The following MPPED2 variants were observed in gnomAD, a reference collection of about 807,000 sequenced individuals.
The protein encoded by MPPED2 is metallophosphoesterase MPPED2.
Under a neutral mutation model 33.0 loss-of-function variants are expected in MPPED2, and 5 were observed. The observed-to-expected ratio is 0.15, with a 90% CI of 0.08 to 0.32. The LOEUF (loss-of-function observed/expected upper bound fraction) is 0.32. Ranked by LOEUF, MPPED2 falls within the 10% of genes least tolerant of loss-of-function variation. MPPED2 has a pLI of 1.00. For missense variants in MPPED2, 275 were observed against 372.1 expected, an observed-to-expected ratio of 0.74 and a Z score of 2.15; for synonymous variants, 136 against 141.9, an observed-to-expected ratio of 0.96 and a Z score of 0.29.
At chr11:30,504,843 A>G (rs908429023) in intron 3 of MPPED2, 1 of 1,253,158 alleles carries the variant, frequency 8.0e-7, no homozygotes. Flanking sequence ...TCTAAGAAAT[A>G]TTAAACACAG....
At chr11:30,433,074 G>A (rs1012489778) in intron 4 of MPPED2, among the ~76,000 whole-genome samples, 9 of 152,240 alleles carry the variant, frequency 5.9e-5, no homozygotes, top group Admixed American at 2.6e-4. Context: ...GGGACTATGA[G>A]TTGGAGAGAG....
rs191461525 is a variant in MPPED2, at chr11:30,542,411, C to T, written c.129-6236G>A. On this transcript the variant is annotated intron_variant, in intron 2 of 6. Transcript: ENST00000358117. Reference sequence around the variant, plus strand: ...GGTGGATTGCTTGAGCTCAGGAGTTCGAAATCAGCCTGGGCAACATGGCGA... The same window carrying T: ...GGTGGATTGCTTGAGCTCAGGAGTTTGAAATCAGCCTGGGCAACATGGCGA... Among the ~76,000 whole-genome samples, 95 of 129,784 alleles carry T rather than the reference C, an allele frequency of 7.3e-4. 1 individual carries two copies. The East Asian group carries it at 0.021, about 29-fold the overall frequency. 85.1% of individuals were successfully genotyped at this position (129,784 alleles called of 152,430 possible). A position where few individuals can be genotyped will look rare whatever the true frequency, so the allele number is the denominator to read the frequency against.
chr11:30,447,531 C>T (rs935966839), intron 4 of MPPED2, among the ~76,000 whole-genome samples: 3 of 151,990 alleles, frequency 2.0e-5, no homozygotes, highest in Admixed American at 1.3e-4. Context: ...TAATAGGAGC[C>T]GAGCAGTGTG....
intron 3 of MPPED2, 80 bp downstream of exon 3, chr11:30,535,914 T>A (rs1340540461): frequency 7.9e-7 from 1 of 1,266,628 alleles, no homozygotes; most frequent in Non-Finnish European, 1.1e-6. Flanking sequence ...TTCCAAGTGC[T>A]CTAATTCAAT....
intron 5 of MPPED2, 60 bp from the exon 6 acceptor site, chr11:30,414,401 G>T: frequency 9.3e-7 from 1 of 1,080,558 alleles, no homozygotes; most frequent in Non-Finnish European, 1.4e-6. Context: ...GTTTCATTTA[G>T]ACTTTCAGGA....
chr11:30,494,165 G>A (rs865879488), intron 4 of MPPED2, among the ~76,000 whole-genome samples: 4 of 152,220 alleles, frequency 2.6e-5, no homozygotes, highest in Admixed American at 6.5e-5. Flanking sequence ...TTTCTACAGA[G>A]ACGGTAATTC....
At chr11:30,402,279 T>C (rs532066053) in intron 6 of MPPED2, among the ~76,000 whole-genome samples, 2 of 152,306 alleles carry the variant, frequency 1.3e-5, no homozygotes, top group Admixed American at 6.5e-5. Flanking sequence ...TATCAATAAA[T>C]TGAATACTGC....
chr11:30,530,014 A>T (rs1386590114), intron 3 of MPPED2, among the ~76,000 whole-genome samples: 1 of 152,238 alleles, frequency 6.6e-6, no homozygotes. Flanking sequence ...TTAAAAGTTC[A>T]TGGCAATGAT....
exon 7 of MPPED2, chr11:30,387,451 G>A (rs1947716888): frequency 6.6e-6 from 1 of 152,160 alleles, no homozygotes; most frequent in African/African-American, 2.4e-5. Context: ...GTCTGTCAGG[G>A]GCTGAGGATA....
At chr11:30,549,800 C>T (rs10767859) in intron 2 of MPPED2, among the ~76,000 whole-genome samples, 53,932 of 151,884 alleles carry the variant, frequency 0.36, 10,703 homozygotes, top group East Asian at 0.64. Context: ...GTGACTGCCG[C>T]CATCGATAAA....
intron 6 of MPPED2, among the ~76,000 whole-genome samples, chr11:30,399,632 G>A (rs1268247884): frequency 6.6e-6 from 1 of 152,146 alleles, no homozygotes; most frequent in African/African-American, 2.4e-5. Context: ...AATGGGTGAA[G>A]ATTAGAAAGG....
intron 4 of MPPED2, among the ~76,000 whole-genome samples, chr11:30,462,210 C>G (rs531353554): frequency 6.6e-6 from 1 of 152,210 alleles, no homozygotes; most frequent in Non-Finnish European, 1.5e-5. Flanking sequence ...GTAAAGATGT[C>G]CCCATTACCA....
chr11:30,456,614 T>C (rs1950289788), intron 4 of MPPED2, among the ~76,000 whole-genome samples: 2 of 152,142 alleles, frequency 1.3e-5, no homozygotes, highest in Admixed American at 1.3e-4. Context: ...ATGTACTTGA[T>C]GGTTAGATAA....
exon 7 of MPPED2, chr11:30,386,495 G>A (rs1468204228): frequency 2.8e-6 from 1 of 360,018 alleles, no homozygotes; most frequent in Admixed American, 4.7e-5. Context: ...GCTTCCACCA[G>A]GTGTTAGGCT....
intron 6 of MPPED2, among the ~76,000 whole-genome samples, chr11:30,395,010 C>T (rs1364295404): frequency 6.6e-6 from 1 of 152,140 alleles, no homozygotes; most frequent in East Asian, 1.9e-4. Flanking sequence ...ATTCGTCATA[C>T]TTGTGTGGCT....
At chr11:30,543,167 T>G (rs2134550991) in intron 2 of MPPED2, among the ~76,000 whole-genome samples, 1 of 152,312 alleles carries the variant, frequency 6.6e-6, no homozygotes, top group East Asian at 1.9e-4. Context: ...AGAAGTTTGT[T>G]TTTTAAAATG....
intron 4 of MPPED2, among the ~76,000 whole-genome samples, chr11:30,433,656 G>A (rs984028221): frequency 3.9e-5 from 6 of 152,102 alleles, no homozygotes; most frequent in Admixed American, 1.3e-4. Flanking sequence ...TTGGTCCCTC[G>A]CTATCATGTC....
intron 2 of MPPED2, among the ~76,000 whole-genome samples, chr11:30,560,713 G>A (rs750623537): frequency 2.0e-5 from 3 of 152,182 alleles, no homozygotes; most frequent in Admixed American, 2.0e-4. Flanking sequence ...CAAATGAGAT[G>A]CAGGCAATGT....
intron 3 of MPPED2, among the ~76,000 whole-genome samples, chr11:30,524,234 C>T (rs1954037456): frequency 6.6e-6 from 1 of 151,488 alleles, no homozygotes; most frequent in Non-Finnish European, 1.5e-5. Context: ...GCCTGGGCGA[C>T]AAGAGTGAGA....
Sources: gnomAD v4.1 joint callset for allele counts (sites outside exome capture counted in the v4.1 genomes callset) on GRCh38, gnomAD v4.1.1 for gene constraint, MANE v1.5 for transcripts, NCBI Gene and HGNC (gene_info 2026-07-23, HGNC 2026-07-21) for gene names.